PDZRN4: variants seen among roughly 807,000 people sequenced by gnomAD.
The protein encoded by PDZRN4 is PDZ domain containing ring finger 4, also known as PDZ domain-containing RING finger protein 4.
Under a neutral mutation model 99.0 loss-of-function variants are expected in PDZRN4, and 70 were observed. That is an observed-to-expected ratio of 0.71 (90% confidence interval 0.58 to 0.86). The LOEUF is 0.86. PDZRN4 is among the 40% of genes least tolerant of loss of function. PDZRN4 has a pLI of 0.00. For synonymous variants in PDZRN4, 551 were observed against 501.6 expected, an observed-to-expected ratio of 1.10 and a Z score of -1.32; for missense variants, 1,474 against 1,331.2, an observed-to-expected ratio of 1.11 and a Z score of -1.67.
At chr12:41,289,587 T>G (rs1363468530) in intron 3 of PDZRN4, among the ~76,000 whole-genome samples, 1 of 152,164 alleles carries the variant, frequency 6.6e-6, no homozygotes, top group Non-Finnish European at 1.5e-5. Flanking sequence ...TAGAGGGCCT[T>G]TTGGACCACA....
At position 41,477,966 on chromosome 12, in the gene PDZRN4, A is replaced by G. The variant is rs555960614; in HGVS notation, c.844-28490A>G. The G allele has an allele frequency of 1.6e-5, 19 of 1,208,508 alleles. No homozygotes were observed. The African/African-American group carries it at 1.6e-4, about 10-fold the overall frequency. 74.9% of individuals were successfully genotyped at this position (1,208,508 alleles called of 1,614,324 possible). Reference sequence around the variant, plus strand: ...ATTTCATCATATTATTCTCTTGCTTATCAGTGAGCGAATTAATCTACATGA... The same window carrying G: ...ATTTCATCATATTATTCTCTTGCTTGTCAGTGAGCGAATTAATCTACATGA... On this transcript the variant is annotated intron_variant, in intron 3 of 9. Coordinates refer to ENST00000402685, the MANE Select transcript of PDZRN4 (RefSeq NM_001164595.2).
At chr12:41,278,081 G>A (rs888441347) in intron 3 of PDZRN4, among the ~76,000 whole-genome samples, 2 of 152,194 alleles carry the variant, frequency 1.3e-5, no homozygotes, top group Admixed American at 1.3e-4. Flanking sequence ...CAATATGTTT[G>A]CATGGACACT....
chr12:41,282,245 T>G (rs143775783), intron 3 of PDZRN4, among the ~76,000 whole-genome samples: 2,346 of 152,318 alleles, frequency 0.015, 23 homozygotes, highest in Middle Eastern at 0.034. Context: ...AAACAGACTT[T>G]AAACCAACAA....
At chr12:41,465,361 C>T (rs557777895) in intron 3 of PDZRN4, among the ~76,000 whole-genome samples, 2 of 152,248 alleles carry the variant, frequency 1.3e-5, no homozygotes, top group Admixed American at 1.3e-4. Flanking sequence ...AGAGATTTCA[C>T]TTGTAGTTGC....
chr12:41,302,307 A>G (rs1951541514), intron 3 of PDZRN4, among the ~76,000 whole-genome samples: 1 of 152,128 alleles, frequency 6.6e-6, no homozygotes, highest in African/African-American at 2.4e-5. Flanking sequence ...TCATATAGCC[A>G]CAATCACCAC....
chr12:41,349,860 GGCC>G, intron 3 of PDZRN4, among the ~76,000 whole-genome samples: 1 of 57,336 alleles, frequency 1.7e-5, no homozygotes, highest in African/African-American at 6.9e-5. Context: ...AGTCAAAAAG[GGCC>G]TCATATAGGG....
intron 5 of PDZRN4, among the ~76,000 whole-genome samples, chr12:41,552,077 A>T (rs1201108398): frequency 3.3e-5 from 5 of 152,210 alleles, no homozygotes; most frequent in Admixed American, 3.3e-4. Context: ...AGCCTGGATG[A>T]AACCATTTCT....
intron 5 of PDZRN4, among the ~76,000 whole-genome samples, chr12:41,535,503 C>T (rs769304647): frequency 6.6e-6 from 1 of 152,166 alleles, no homozygotes; most frequent in Non-Finnish European, 1.5e-5. Flanking sequence ...TCAAGTGAGA[C>T]TTTTTTCCTT....
intron 5 of PDZRN4, among the ~76,000 whole-genome samples, chr12:41,544,810 A>G (rs1748782916): frequency 6.6e-6 from 1 of 152,206 alleles, no homozygotes. Flanking sequence ...AAAATGAGAA[A>G]GAGCAATATA....
At chr12:41,378,310 A>G (rs925640528) in intron 3 of PDZRN4, among the ~76,000 whole-genome samples, 2 of 152,064 alleles carry the variant, frequency 1.3e-5, no homozygotes, top group Non-Finnish European at 2.9e-5. Flanking sequence ...AACCGTCCTT[A>G]CATTCCAGGG....
At chr12:41,224,340 T>G (rs1261508344) in intron 3 of PDZRN4, among the ~76,000 whole-genome samples, 1 of 152,188 alleles carries the variant, frequency 6.6e-6, no homozygotes, top group Admixed American at 6.5e-5. Flanking sequence ...CCAGCTAAAG[T>G]GTGACATGTT....
chr12:41,351,566 C>G (rs1368995989), intron 3 of PDZRN4, among the ~76,000 whole-genome samples: 1 of 152,020 alleles, frequency 6.6e-6, no homozygotes, highest in African/African-American at 2.4e-5. Context: ...CACATCTTCA[C>G]ATGGCCAGAA....
chr12:41,467,116 C>A (rs1224308323), intron 3 of PDZRN4, among the ~76,000 whole-genome samples: 1 of 152,218 alleles, frequency 6.6e-6, no homozygotes, highest in Non-Finnish European at 1.5e-5. Flanking sequence ...TAGCTTCGCT[C>A]CTGATGGGAT....
chr12:41,548,584 C>T (rs920190394), intron 5 of PDZRN4, among the ~76,000 whole-genome samples: 1 of 152,212 alleles, frequency 6.6e-6, no homozygotes, highest in Admixed American at 6.5e-5. Flanking sequence ...TTGAATAGTG[C>T]TGACTGCATT....
chr12:41,534,892 T>A (rs909857374), intron 5 of PDZRN4, among the ~76,000 whole-genome samples: 3 of 152,148 alleles, frequency 2.0e-5, no homozygotes, highest in Non-Finnish European at 4.4e-5. Context: ...ATCTCCATAT[T>A]TCCTAACTAC....
At chr12:41,190,287 G>C (rs1408713961) in intron 1 of PDZRN4, among the ~76,000 whole-genome samples, 1 of 151,888 alleles carries the variant, frequency 6.6e-6, no homozygotes. Flanking sequence ...AGCACGTTGT[G>C]TATTAAACGA....
chr12:41,377,275 T>C (rs541551510), intron 3 of PDZRN4, among the ~76,000 whole-genome samples: 65 of 152,322 alleles, frequency 4.3e-4, no homozygotes, highest in South Asian at 1.9e-3. Context: ...CATTAGGATT[T>C]TGATAAAGAT....
chr12:41,365,224 T>C (rs1731199526), intron 3 of PDZRN4, among the ~76,000 whole-genome samples: 1 of 152,122 alleles, frequency 6.6e-6, no homozygotes, highest in South Asian at 2.1e-4. Flanking sequence ...GCTATTCTTA[T>C]ATGTGAATGA....
At chr12:41,425,485 T>C (rs146738741) in intron 3 of PDZRN4, among the ~76,000 whole-genome samples, 1 of 152,222 alleles carries the variant, frequency 6.6e-6, no homozygotes, top group East Asian at 1.9e-4. Context: ...TTCTGTTACA[T>C]GCCAGATGGT....
Sources: gnomAD v4.1 joint callset for allele counts (sites outside exome capture counted in the v4.1 genomes callset) on GRCh38, gnomAD v4.1.1 for gene constraint, MANE v1.5 for transcripts, NCBI Gene and HGNC (gene_info 2026-07-23, HGNC 2026-07-21) for gene names.